DHX33: variants seen among roughly 807,000 people sequenced by gnomAD.
The protein encoded by DHX33 is DEAH-box helicase 33.
DHX33 carries 42 observed loss-of-function variants against 72.5 expected under a neutral mutation model. The observed-to-expected ratio is 0.58, with a 90% CI of 0.45 to 0.75. The LOEUF is 0.75. DHX33 is among the 30% of genes least tolerant of loss of function. The probability of loss-of-function intolerance (pLI) is 0.00; values close to 1 mark genes in which losing one functional copy is unlikely to be tolerated. For missense variants in DHX33, 842 were observed against 917.5 expected (o/e 0.92, Z 1.06); for synonymous variants, 358 against 366.1 (o/e 0.98, Z 0.25).
intron 11 of DHX33, among the ~76,000 whole-genome samples, chr17:5,445,216 T>C (rs1916606931): frequency 6.6e-6 from 1 of 152,092 alleles, no homozygotes; most frequent in African/African-American, 2.4e-5. Context: ...GTAGCTGGGA[T>C]TACAGGCGCC....
intron 11 of DHX33, among the ~76,000 whole-genome samples, chr17:5,447,949 C>A (rs576566790): frequency 6.6e-6 from 1 of 152,168 alleles, no homozygotes; most frequent in Non-Finnish European, 1.5e-5. Context: ...GAGGCCGAGG[C>A]GGGCAAATCA....
intron 4 of DHX33, among the ~76,000 whole-genome samples, chr17:5,457,765 C>G (rs1349663026): frequency 1.3e-5 from 2 of 151,856 alleles, no homozygotes; most frequent in East Asian, 1.9e-4. Context: ...GATACACAGA[C>G]AGGATAAAAT....
Position 5,442,836 on chromosome 17 carries a change from T to C in DHX33, c.*1369A>G, listed in dbSNP as rs1021601396. On this transcript the variant is annotated 3_prime_UTR_variant, in exon 12 of 12. Transcript: ENST00000225296. ...AAAATATTATCTGGGGAAAGATTACTTGCTTCTGATAATTAAATAGCTAAG... is the reference window on the plus strand; with the variant it reads ...AAAATATTATCTGGGGAAAGATTACCTGCTTCTGATAATTAAATAGCTAAG... 1.3e-5 allele frequency: 2 copies of C among 152,208 alleles called. No individual in the cohort carries two copies. Among genetic ancestry groups the C allele is most frequent in the South Asian group, 4.1e-4 (2 of 4,834 alleles). The allele number at this position is 152,208 out of a possible 1,614,324, so 9.4% of individuals were successfully genotyped here. A position where few individuals can be genotyped will look rare whatever the true frequency, so the allele number is the denominator to read the frequency against.
At chr17:5,456,252 T>A in intron 4 of DHX33, 70 bp from the exon 5 acceptor site, 1 of 1,454,864 alleles carries the variant, frequency 6.9e-7, no homozygotes, top group Non-Finnish European at 9.5e-7. Flanking sequence ...AAGACAATGG[T>A]GATTGATGAT....
At position 5,461,281 on chromosome 17, in the gene DHX33, C is replaced by T. The variant is rs188489428; in HGVS notation, c.679-172G>A. 181 of 513,042 alleles carry T rather than the reference C, an allele frequency of 3.5e-4. 1 individual carries two copies. The highest frequency in any genetic ancestry group is 3.4e-3 in the African/African-American group (172 of 50,970). The allele number at this position is 513,042 out of a possible 1,614,324, so 31.8% of individuals were successfully genotyped here. ...GAGGAAAACACCCTGCTAGAGCACA[C>T]AGGTCTGTTTCCTTTCCTTTCCTTC... On this transcript the variant is annotated intron_variant, in intron 3 of 11. Coordinates refer to ENST00000225296, the MANE Select transcript of DHX33 (RefSeq NM_020162.4).
rs199938817 is a variant in DHX33 at position 5,444,441 on chromosome 17, T to A, written c.1888A>T (p.Met630Leu). The A allele has an allele frequency of 6.2e-7, 1 of 1,614,188 alleles. No individual in the cohort carries two copies. The highest frequency in any genetic ancestry group is 8.5e-7 in the Non-Finnish European group (1 of 1,180,026). ...TCTGGCTGAAGCTCGGCGGTGCTCA[T>A]GAAGAGGCTGTGAGCCAGGCAGCGG... is the stretch of plus-strand genomic sequence containing the variant. ...VRRCLAHSLF[M>L]STAELQPDGT... The change falls in exon 12 of 12, where the codon ATG becomes TTG. Residue 630 changes from methionine (M) to leucine (L), a missense_variant. Transcript: ENST00000225296. The surrounding 1 kb of genome is among the most constrained non-coding windows in gnomAD (Gnocchi z 4.9).
intron 4 of DHX33, among the ~76,000 whole-genome samples, chr17:5,459,945 C>T (rs1348172451): frequency 6.6e-6 from 1 of 151,908 alleles, no homozygotes. Context: ...CCATGCCTGG[C>T]CAGAAGCAGT....
Position 5,468,968 on chromosome 17 carries a change from C to G in DHX33, c.-109G>C, listed in dbSNP as rs1597367274. Reference sequence around the variant, plus strand: ...CTTCCTCGCCGCCACGTGCTGGCGGCTCCCGGCGACCACCGATGACCTCAC... The same window carrying G: ...CTTCCTCGCCGCCACGTGCTGGCGGGTCCCGGCGACCACCGATGACCTCAC... On this transcript the variant is annotated 5_prime_UTR_variant, in exon 1 of 12. Coordinates refer to ENST00000225296, the MANE Select transcript of DHX33 (RefSeq NM_020162.4). The G allele has an allele frequency of 3.1e-6, 2 of 640,290 alleles. No individual in the cohort carries two copies. The highest frequency in any genetic ancestry group is 2.1e-5 in the South Asian group (1 of 48,654). 39.7% of individuals were successfully genotyped at this position (640,290 alleles called of 1,614,324 possible).
chr17:5,447,321 C>A (rs1472762557), intron 11 of DHX33, among the ~76,000 whole-genome samples: 1 of 152,072 alleles, frequency 6.6e-6, no homozygotes, highest in East Asian at 1.9e-4. Flanking sequence ...AGTTCGAGAC[C>A]AGCCTGGCCA....
At chr17:5,447,155 C>T (rs953994154) in intron 11 of DHX33, among the ~76,000 whole-genome samples, 1 of 152,208 alleles carries the variant, frequency 6.6e-6, no homozygotes, top group African/African-American at 2.4e-5. Context: ...GAGTGTCATG[C>T]GAGCATTAAA....
In DHX33 at chr17:5,445,161, C is replaced by A. The variant is rs574529199; in HGVS notation, c.1816-648G>T. On this transcript the variant is annotated intron_variant, in intron 11 of 11. Transcript: ENST00000225296. ...TGGCGCAATCTCAGCTCATTGCAACCTCCACCTCCCAGGTTCAAGCTATTC... is the reference window on the plus strand; with the variant it reads ...TGGCGCAATCTCAGCTCATTGCAACATCCACCTCCCAGGTTCAAGCTATTC... 7.2e-5 allele frequency among the ~76,000 whole-genome samples: 11 copies of A among 152,230 alleles called. 1 individual carries two copies. The South Asian group carries it at 2.1e-3, about 29-fold the overall frequency.
chr17:5,453,660 A>G lies in DHX33; in HGVS notation c.1316T>C (p.Leu439Pro), dbSNP rs1225345886. 6.2e-7 allele frequency: 1 copy of G among 1,614,174 alleles called. No individual in the cohort carries two copies. Among genetic ancestry groups the G allele is most frequent in the Admixed American group, 1.7e-5 (1 of 60,022 alleles). Residue 439 changes from leucine (L) to proline (P), a missense_variant, in exon 8 of 12, where the codon CTG becomes CCG. By Grantham distance (98) the Leu-to-Pro change is moderately conservative. Transcript: ENST00000225296. ...TAGAAGCTGAAGCATCACACTGGCC[A>G]GGTTACACCTGTGAAGAGCATGAGA... ...MTVPEIQRCN[L>P]ASVMLQLLAM...
chr17:5,456,480 C>A (rs1275518657), intron 4 of DHX33, among the ~76,000 whole-genome samples: 4 of 152,158 alleles, frequency 2.6e-5, no homozygotes, highest in Non-Finnish European at 5.9e-5. Flanking sequence ...GATCCCATCT[C>A]TACAAAACAC....
chr17:5,466,699 C>T (rs533900874), intron 1 of DHX33, among the ~76,000 whole-genome samples: 2 of 152,334 alleles, frequency 1.3e-5, no homozygotes, highest in East Asian at 1.9e-4. Context: ...GTAGAACTTG[C>T]CTGCTTTGCA....
intron 4 of DHX33, among the ~76,000 whole-genome samples, chr17:5,457,176 C>T (rs192197471): frequency 4.3e-4 from 66 of 152,218 alleles, no homozygotes; most frequent in African/African-American, 1.4e-3. Context: ...GGCGTGGTGG[C>T]GCACGCCTGT....
chr17:5,468,493 G>A (rs2151694642), intron 1 of DHX33, 78 bp downstream of exon 1: 1 of 1,503,074 alleles, frequency 6.7e-7, no homozygotes, highest in East Asian at 2.4e-5. Context: ...GAAAGGGATT[G>A]AGAGGCATGT....
intron 6 of DHX33, among the ~76,000 whole-genome samples, chr17:5,454,511 G>A (rs886240421): frequency 6.6e-6 from 1 of 152,152 alleles, no homozygotes; most frequent in East Asian, 1.9e-4. Flanking sequence ...CTTGATAAAG[G>A]TGTATCATTA....
chr17:5,454,554 A>G (rs1399043888), intron 6 of DHX33, among the ~76,000 whole-genome samples: 3 of 152,186 alleles, frequency 2.0e-5, no homozygotes, highest in Non-Finnish European at 4.4e-5. Context: ...TCTTTCACCT[A>G]CGTCATCACA....
chr17:5,446,486 T>C (rs1054708867), intron 11 of DHX33, among the ~76,000 whole-genome samples: 2 of 152,162 alleles, frequency 1.3e-5, no homozygotes, highest in African/African-American at 4.8e-5. Flanking sequence ...ATCAATCTTA[T>C]AGGTTGAAAT....
Sources: allele counts gnomAD v4.1 joint callset (sites outside exome capture counted in the v4.1 genomes callset), GRCh38; gene constraint gnomAD v4.1.1; non-coding constraint Gnocchi (gnomAD v3.1); transcripts MANE v1.5; gene names NCBI Gene and HGNC (gene_info 2026-07-23, HGNC 2026-07-21).